The following ANTXR1 variants were observed in gnomAD, a reference collection of about 807,000 sequenced individuals.
ANTXR1 encodes ANTXR cell adhesion molecule 1.
In ANTXR1, 19 loss-of-function variants were observed where a neutral mutation model predicts 78.1. That is an observed-to-expected ratio of 0.24 (90% CI 0.17 to 0.36). ANTXR1 has a LOEUF of 0.36. ANTXR1 is among the 10% of genes least tolerant of loss of function. The pLI, the probability that ANTXR1 is intolerant of heterozygous loss-of-function variation, is 1.00. For synonymous variants in ANTXR1, 273 were observed against 260.5 expected (o/e 1.05, Z -0.46); for missense variants, 518 against 718.6 (o/e 0.72, Z 3.19).
Position 69,172,502 on chromosome 2 carries a change from T to C in ANTXR1, c.1089+2213T>C, listed in dbSNP as rs1007919509. On this transcript the variant is annotated intron_variant, in intron 14 of 17. Transcript: ENST00000303714. Reference sequence around the variant, plus strand: ...CAATCTAGACAGTCTTTTCCTCTAGTTCCCTGTATTCAAATCCCAGTGTCT... The same window carrying C: ...CAATCTAGACAGTCTTTTCCTCTAGCTCCCTGTATTCAAATCCCAGTGTCT... 1.3e-5 allele frequency: 19 copies of C among 1,453,324 alleles called. No individual in the cohort carries two copies. In the Admixed American group the frequency reaches 3.7e-4, roughly 28 times the overall value. The allele number at this position is 1,453,324 out of a possible 1,614,324, so 90.0% of individuals were successfully genotyped here. A position where few individuals can be genotyped will look rare whatever the true frequency, so the allele number is the denominator to read the frequency against.
At chr2:69,236,610 A>T (rs778730174) in intron 17 of ANTXR1, among the ~76,000 whole-genome samples, 1 of 152,250 alleles carries the variant, frequency 6.6e-6, no homozygotes, top group Non-Finnish European at 1.5e-5. Flanking sequence ...AAATGTGCAT[A>T]AACTTTGACC....
In ANTXR1 at chr2:69,165,818, G is replaced by A. The variant is rs149012409; in HGVS notation, c.1048-4430G>A. On this transcript the variant is annotated intron_variant, in intron 13 of 17. Coordinates refer to ENST00000303714, the MANE Select transcript of ANTXR1 (RefSeq NM_032208.3). ...GACAAACACAACGGCAAGGATCAAA[G>A]CCTACACATTAAGAATCAAACTTCA... Among the ~76,000 whole-genome samples the A allele has an allele frequency of 2.6e-3, 392 of 152,310 alleles. 5 individuals are homozygous for A. Among genetic ancestry groups the A allele is most frequent in the South Asian group, 4.3e-3 (21 of 4,832 alleles).
intron 1 of ANTXR1, among the ~76,000 whole-genome samples, chr2:69,023,325 T>A (rs893230000): frequency 2.0e-5 from 3 of 152,016 alleles, no homozygotes; most frequent in African/African-American, 7.2e-5. Flanking sequence ...ATGGTAGTGG[T>A]GATGGTGACA....
At chr2:69,062,684 T>C (rs1246312287) in intron 3 of ANTXR1, among the ~76,000 whole-genome samples, 2 of 152,016 alleles carry the variant, frequency 1.3e-5, no homozygotes, top group Non-Finnish European at 2.9e-5. Context: ...ATGTAAACTG[T>C]TATGAAAAAT....
rs74606820 is a variant in ANTXR1, at chr2:69,075,758, C to T, written c.561+100C>T. On this transcript the variant is annotated intron_variant, in intron 7 of 17. Transcript: ENST00000303714. ...GAGGGAAGATCAATGGAATAAATGC[C>T]CCTGAAATAGGTTATTTTTCTAGAA... The T allele has an allele frequency of 4.4e-3, 4,717 of 1,081,312 alleles. 140 individuals carry two copies. In the African/African-American group the frequency reaches 0.063, roughly 14 times the overall value. The allele number at this position is 1,081,312 out of a possible 1,614,324, so 67.0% of individuals were successfully genotyped here.
intron 17 of ANTXR1, among the ~76,000 whole-genome samples, chr2:69,210,298 C>A (rs1448689976): frequency 6.6e-6 from 1 of 152,182 alleles, no homozygotes; most frequent in Non-Finnish European, 1.5e-5. Flanking sequence ...TATTTATCAC[C>A]CCTTTGTTTT....
At chr2:69,017,720 T>C (rs1037800677) in intron 1 of ANTXR1, among the ~76,000 whole-genome samples, 5 of 152,198 alleles carry the variant, frequency 3.3e-5, no homozygotes, top group Admixed American at 6.5e-5. Flanking sequence ...TTTCTGGTTA[T>C]AGTCAGGAAA....
At chr2:69,207,813 T>C (rs769034609) in intron 17 of ANTXR1, among the ~76,000 whole-genome samples, 12 of 152,170 alleles carry the variant, frequency 7.9e-5, no homozygotes, top group Non-Finnish European at 1.5e-4. Flanking sequence ...AAAGATATGC[T>C]GACAATTTGA....
intron 1 of ANTXR1, among the ~76,000 whole-genome samples, chr2:69,037,670 A>G (rs1455017353): frequency 6.6e-6 from 1 of 151,986 alleles, no homozygotes; most frequent in Non-Finnish European, 1.5e-5. Flanking sequence ...GGGTTTCGCC[A>G]TGTTAGCCAG....
At chr2:69,038,596 T>A (rs1669518606) in intron 1 of ANTXR1, among the ~76,000 whole-genome samples, 1 of 152,200 alleles carries the variant, frequency 6.6e-6, no homozygotes, top group Non-Finnish European at 1.5e-5. Context: ...CCCATTTTTT[T>A]AAAGAAATAA....
intron 17 of ANTXR1, among the ~76,000 whole-genome samples, chr2:69,208,746 T>C (rs1172259936): frequency 6.6e-6 from 1 of 152,214 alleles, no homozygotes; most frequent in African/African-American, 2.4e-5. Flanking sequence ...CTATTTTGGT[T>C]TTTATTCACA....
At chr2:69,192,038 G>A (rs568511056) in intron 16 of ANTXR1, among the ~76,000 whole-genome samples, 2 of 152,258 alleles carry the variant, frequency 1.3e-5, no homozygotes, top group East Asian at 1.9e-4. Context: ...TTGTCCTAAG[G>A]GATAGGCAGA....
chr2:69,186,472 G>A (rs1008199640), intron 16 of ANTXR1, among the ~76,000 whole-genome samples: 8 of 152,142 alleles, frequency 5.3e-5, no homozygotes, highest in African/African-American at 1.2e-4. Flanking sequence ...TCCCTTTCCC[G>A]AACTCACCGT....
chr2:69,029,314 A>C lies in ANTXR1; in HGVS notation c.153-10730A>C, dbSNP rs569809004. 6.1e-5 allele frequency among the ~76,000 whole-genome samples: 9 copies of C among 148,280 alleles called. No individual in the cohort carries two copies. The South Asian group carries it at 6.3e-4, about 10-fold the overall frequency. ...AATATCTAATATATATATATATTAG[A>C]TATATATAGATATAGATATATACAC... On this transcript the variant is annotated intron_variant, in intron 1 of 17. Transcript: ENST00000303714.
intron 7 of ANTXR1, 115 bp from the exon 8 acceptor site, chr2:69,077,293 A>G: frequency 8.8e-7 from 1 of 1,132,794 alleles, no homozygotes; most frequent in Non-Finnish European, 1.3e-6. Flanking sequence ...AAGGCCTCAT[A>G]TTCCCCTGGG....
rs1035006322 is a variant in ANTXR1 at position 69,193,344 on chromosome 2, G to A, written c.1363G>A (p.Asp455Asn). The part of the protein sequence containing the change: ...KWYSPIKGKL[D>N]ALWVLLRKGY... ...ATTTGTTTTATTTCAGGGAAAACTC[G>A]ATGCCTTGTGGGTCCTACTGAGGAA... The change falls in exon 17 of 18, where the codon GAT (aspartate) becomes AAT (asparagine). Residue 455 changes from aspartate to asparagine, a missense_variant. Transcript: ENST00000303714. 9 of 1,613,672 alleles carry A rather than the reference G, an allele frequency of 5.6e-6. No individual in the cohort carries two copies. Among genetic ancestry groups the A allele is most frequent in the South Asian group, 4.4e-5 (4 of 91,064 alleles).
intron 17 of ANTXR1, among the ~76,000 whole-genome samples, chr2:69,195,176 G>A (rs79801206): frequency 0.088 from 12,851 of 145,364 alleles, 1,657 homozygotes; most frequent in African/African-American, 0.27. Flanking sequence ...CAAAAAAAAA[G>A]AAAAAAGAAA....
chr2:69,073,457 C>T (rs1302586173), intron 6 of ANTXR1, among the ~76,000 whole-genome samples: 1 of 152,020 alleles, frequency 6.6e-6, no homozygotes, highest in African/African-American at 2.4e-5. Context: ...ATATTTTCTA[C>T]TAAAACAGGA....
intron 1 of ANTXR1, among the ~76,000 whole-genome samples, chr2:69,022,091 C>G (rs1165506416): frequency 6.6e-6 from 1 of 152,204 alleles, no homozygotes; most frequent in Non-Finnish European, 1.5e-5. Context: ...AAAGATAAAA[C>G]TCTCTTTTTC....
Sources: allele counts gnomAD v4.1 joint callset (sites outside exome capture counted in the v4.1 genomes callset), GRCh38; gene constraint gnomAD v4.1.1; transcripts MANE v1.5; gene names NCBI Gene and HGNC (gene_info 2026-07-23, HGNC 2026-07-21).